CDIN1: variants seen among roughly 807,000 people sequenced by gnomAD.
The protein encoded by CDIN1 is CDAN1-interacting nuclease 1.
Under a neutral mutation model 45.3 loss-of-function variants are expected in CDIN1, and 33 were observed. That is an observed-to-expected ratio of 0.73 (90% CI 0.55 to 0.97). The LOEUF (loss-of-function observed/expected upper bound fraction) is 0.97, where lower values mean the gene tolerates loss of function less well. Among genes scored for constraint, CDIN1 ranks in the 50% least tolerant of loss-of-function variants. The pLI is 0.00. For synonymous variants in CDIN1, 118 were observed against 124.4 expected (o/e 0.95, Z 0.34); for missense variants, 303 against 339.4 (o/e 0.89, Z 0.84).
chr15:36,709,169 C>A, intron 8 of CDIN1, 54 bp from the exon 9 acceptor site: 2 of 1,429,260 alleles, frequency 1.4e-6, no homozygotes, highest in Non-Finnish European at 1.9e-6. Flanking sequence ...AAATATATTC[C>A]TATCTTGTTA....
intron 10 of CDIN1, among the ~76,000 whole-genome samples, chr15:36,748,611 G>A (rs1266284962): frequency 6.6e-6 from 1 of 151,780 alleles, no homozygotes; most frequent in Non-Finnish European, 1.5e-5. Flanking sequence ...TCAGATACTT[G>A]AGAAGTTAGC....
At chr15:36,770,692 G>A (rs1182887268) in intron 10 of CDIN1, among the ~76,000 whole-genome samples, 1 of 151,844 alleles carries the variant, frequency 6.6e-6, no homozygotes, top group African/African-American at 2.4e-5. Flanking sequence ...CAAGTGATCC[G>A]CCCACCTCAG....
intron 5 of CDIN1, among the ~76,000 whole-genome samples, chr15:36,673,528 A>G (rs1416886786): frequency 6.6e-6 from 1 of 152,048 alleles, no homozygotes; most frequent in Non-Finnish European, 1.5e-5. Flanking sequence ...GTTGCCTTCT[A>G]ATGAGATTTC....
intron 1 of CDIN1, among the ~76,000 whole-genome samples, chr15:36,593,608 G>A (rs1309919122): frequency 6.6e-6 from 1 of 152,134 alleles, no homozygotes; most frequent in Non-Finnish European, 1.5e-5. Context: ...CTCTCACTGA[G>A]GCTGGAGTGC....
intron 10 of CDIN1, among the ~76,000 whole-genome samples, chr15:36,788,961 TTC>T (rs1271438726): frequency 6.6e-6 from 1 of 152,200 alleles, no homozygotes; most frequent in African/African-American, 2.4e-5. Context: ...GACTCGCATT[TTC>T]TAGAAAGCAT....
At chr15:36,793,784 C>G (rs1203598098) in intron 10 of CDIN1, among the ~76,000 whole-genome samples, 2 of 152,140 alleles carry the variant, frequency 1.3e-5, no homozygotes. Context: ...TTAGAAATTG[C>G]CGCTGGCCAC....
rs1284150856 is a variant in CDIN1, at chr15:36,644,297, C to T, written c.121C>T (p.Leu41=). 11 of 1,613,704 alleles carry T rather than the reference C, an allele frequency of 6.8e-6. No homozygotes were observed. Among genetic ancestry groups the T allele is most frequent in the Non-Finnish European group, 9.3e-6 (11 of 1,179,760 alleles). Residue 41 remains leucine (L), a synonymous_variant, in exon 2 of 11, where the codon CTG becomes TTG. Coordinates refer to ENST00000566621, the MANE Select transcript of CDIN1 (RefSeq NM_001321759.2). ...RFPSQSQATL[L]SIFSQEYQKH... ...TTCCAGTCAATCGCAGGCCACTCTG[C>T]TGAGCATCTTCTCCCAGGAGTACCA... is the stretch of plus-strand genomic sequence containing the variant.
At chr15:36,671,199 G>A (rs1447200703) in intron 5 of CDIN1, among the ~76,000 whole-genome samples, 2 of 152,116 alleles carry the variant, frequency 1.3e-5, no homozygotes, top group Non-Finnish European at 1.5e-5. Context: ...GGAAGAGGCC[G>A]TTCTGTCCTT....
At chr15:36,618,370 A>T in intron 1 of CDIN1, 1 of 689,326 alleles carries the variant, frequency 1.5e-6, no homozygotes, top group South Asian at 1.7e-5. Flanking sequence ...CTTCAAAAGG[A>T]GACTTCCACT....
chr15:36,691,652 A>G (rs764592682), intron 5 of CDIN1, 33 bp from the exon 6 acceptor site: 4 of 1,402,582 alleles, frequency 2.9e-6, no homozygotes, highest in South Asian at 2.5e-5. Context: ...TATGTTGACT[A>G]TCTGCTAACA....
intron 1 of CDIN1, among the ~76,000 whole-genome samples, chr15:36,636,153 A>T (rs1047353268): frequency 3.3e-5 from 5 of 152,258 alleles, no homozygotes; most frequent in African/African-American, 1.2e-4. Flanking sequence ...AGTTAAAAGA[A>T]AATATTAAAG....
At chr15:36,765,119 G>A (rs1417802555) in intron 10 of CDIN1, among the ~76,000 whole-genome samples, 3 of 148,028 alleles carry the variant, frequency 2.0e-5, no homozygotes, top group Non-Finnish European at 3.0e-5. Flanking sequence ...GCAGTGGTGC[G>A]ATCTCAGCTC....
rs79113654 is a variant in CDIN1 at position 36,680,552 on chromosome 15, G to A, written c.347-11133G>A. The stretch of plus-strand genomic sequence containing the variant: ...GTAAAATCTTTGGGTATCAGAAATG[G>A]AGAAAGAACCTGTATTCAGAATGAT... On this transcript the variant is annotated intron_variant, in intron 5 of 10. Coordinates refer to ENST00000566621, the MANE Select transcript of CDIN1 (RefSeq NM_001321759.2). Among the ~76,000 whole-genome samples the A allele has an allele frequency of 7.0e-3, 1,064 of 152,170 alleles. 15 individuals are homozygous for A. Among genetic ancestry groups the A allele is most frequent in the African/African-American group, 0.024 (998 of 41,508 alleles).
chr15:36,740,411 C>G (rs1424294376), intron 10 of CDIN1, among the ~76,000 whole-genome samples: 1 of 152,070 alleles, frequency 6.6e-6, no homozygotes, highest in Non-Finnish European at 1.5e-5. Flanking sequence ...AATGACATCA[C>G]CTTAGATCCG....
intron 5 of CDIN1, among the ~76,000 whole-genome samples, chr15:36,689,513 A>G (rs770497187): frequency 2.8e-4 from 43 of 152,270 alleles, no homozygotes; most frequent in African/African-American, 7.2e-4. Context: ...TGCTGGCATT[A>G]TGGGCAACAT....
intron 10 of CDIN1, among the ~76,000 whole-genome samples, chr15:36,723,385 C>T (rs913201614): frequency 6.6e-6 from 1 of 151,814 alleles, no homozygotes; most frequent in Non-Finnish European, 1.5e-5. Flanking sequence ...TAACCAGCTG[C>T]AGTATTTTAA....
chr15:36,593,522 G>A (rs2037680376), intron 1 of CDIN1, among the ~76,000 whole-genome samples: 1 of 152,078 alleles, frequency 6.6e-6, no homozygotes, highest in Non-Finnish European at 1.5e-5. Context: ...TTCAATATAG[G>A]TATTAATCAA....
At chr15:36,681,181 CTG>C (rs1340957691) in intron 5 of CDIN1, among the ~76,000 whole-genome samples, 3 of 151,452 alleles carry the variant, frequency 2.0e-5, no homozygotes, top group Non-Finnish European at 4.4e-5. Context: ...ATAAAAATAA[CTG>C]AATAAATAAA....
chr15:36,621,428 T>C (rs2111014), intron 1 of CDIN1, among the ~76,000 whole-genome samples: 42,031 of 152,020 alleles, frequency 0.28, 6,304 homozygotes, highest in African/African-American at 0.4. Flanking sequence ...ATGGCAGTTG[T>C]TTTTGATTTG....
Sources: allele counts gnomAD v4.1 joint callset (sites outside exome capture counted in the v4.1 genomes callset), GRCh38; gene constraint gnomAD v4.1.1; transcripts MANE v1.5; gene names NCBI Gene and HGNC (gene_info 2026-07-23, HGNC 2026-07-21).